Variants in PRKG1 observed in about 807,000 individuals in gnomAD.
PRKG1 encodes the protein cGMP-dependent protein kinase 1.
PRKG1 carries 35 observed loss-of-function variants against 88.1 expected under a neutral mutation model. The observed-to-expected ratio is 0.40, with a 90% confidence interval of 0.30 to 0.53. PRKG1 has a LOEUF of 0.53. PRKG1 is among the 20% of genes least tolerant of loss of function. The pLI, the probability that PRKG1 is intolerant of heterozygous loss-of-function variation, is 0.59. For missense variants in PRKG1, 540 were observed against 839.8 expected (o/e 0.64, Z 4.41); for synonymous variants, 303 against 292.5 (o/e 1.04, Z -0.37).
chr10:51,539,905 A>C (rs1427796882), intron 3 of PRKG1, among the ~76,000 whole-genome samples: 2 of 152,236 alleles, frequency 1.3e-5, no homozygotes, highest in Non-Finnish European at 2.9e-5. Context: ...CATGTAAAAA[A>C]GATTTTTAAA....
intron 3 of PRKG1, among the ~76,000 whole-genome samples, chr10:51,542,168 C>A (rs1842319795): frequency 6.6e-6 from 1 of 151,738 alleles, no homozygotes; most frequent in Non-Finnish European, 1.5e-5. Flanking sequence ...CCCCACTAAG[C>A]CATTATATGA....
intron 2 of PRKG1, among the ~76,000 whole-genome samples, chr10:51,410,957 G>A (rs1838068885): frequency 6.6e-6 from 1 of 151,264 alleles, no homozygotes; most frequent in Non-Finnish European, 1.5e-5. Flanking sequence ...TTTTCTTAGT[G>A]ATTTTCAGCT....
intron 5 of PRKG1, among the ~76,000 whole-genome samples, chr10:52,045,666 G>A (rs1478854785): frequency 6.6e-6 from 1 of 151,998 alleles, no homozygotes; most frequent in Non-Finnish European, 1.5e-5. Flanking sequence ...TGATGGACAG[G>A]CTCTCTATCC....
At chr10:51,077,208 C>T (rs1401303142) in intron 1 of PRKG1, among the ~76,000 whole-genome samples, 1 of 152,178 alleles carries the variant, frequency 6.6e-6, no homozygotes, top group Non-Finnish European at 1.5e-5. Context: ...GTTTGCCTTT[C>T]AATGTATTTC....
chr10:51,271,259 AT>A (rs368680678), intron 2 of PRKG1, among the ~76,000 whole-genome samples: 6,427 of 144,288 alleles, frequency 0.045, 390 homozygotes, highest in African/African-American at 0.14. Flanking sequence ...AAGAAATATG[AT>A]TTTTTTTTTT....
chr10:52,154,969 ATTTC>A (rs1199687865), intron 8 of PRKG1, among the ~76,000 whole-genome samples: 1 of 152,082 alleles, frequency 6.6e-6, no homozygotes, highest in Non-Finnish European at 1.5e-5. Context: ...AAATGTCATT[ATTTC>A]ATTTTTTTAT....
At position 51,087,557 on chromosome 10, in the gene PRKG1, G is replaced by A. The variant is rs1377045891; in HGVS notation, c.311+12656G>A. 5.3e-5 allele frequency among the ~76,000 whole-genome samples: 8 copies of A among 152,254 alleles called. No individual in the cohort carries two copies. The East Asian group carries it at 1.4e-3, about 26-fold the overall frequency. On this transcript the variant is annotated intron_variant, in intron 1 of 17. Coordinates refer to ENST00000373980, the MANE Select transcript of PRKG1 (RefSeq NM_006258.4). ...CACTCTCTATATGCTCTGTTGTTTA[G>A]CTATTTGTTTCATCAACTCATTTTT...
rs61849853 is a variant in PRKG1, at chr10:51,563,299, T to A, written c.592+95463T>A. The stretch of plus-strand genomic sequence containing the variant: ...GCTGCAAATAGCTAGAAGGAGAATA[T>A]TGAACATTTTAAATATACAGAAATG... On this transcript the variant is annotated intron_variant, in intron 3 of 17. Coordinates refer to ENST00000373980, the MANE Select transcript of PRKG1 (RefSeq NM_006258.4). Among the ~76,000 whole-genome samples the A allele has an allele frequency of 5.5e-3, 834 of 152,274 alleles. 4 individuals are homozygous for A. Among genetic ancestry groups the A allele is most frequent in the Non-Finnish European group, 8.6e-3 (583 of 68,016 alleles).
At chr10:51,453,810 G>T (rs1043094253) in intron 2 of PRKG1, among the ~76,000 whole-genome samples, 1 of 151,968 alleles carries the variant, frequency 6.6e-6, no homozygotes, top group Admixed American at 6.6e-5. Flanking sequence ...TTAAACTGTT[G>T]TTGTCCATTG....
intron 8 of PRKG1, among the ~76,000 whole-genome samples, chr10:52,158,313 C>A (rs1413369478): frequency 6.6e-6 from 1 of 151,272 alleles, no homozygotes; most frequent in South Asian, 2.1e-4. Context: ...GAATAACAAT[C>A]AAAAAAAGGC....
chr10:52,018,228 G>A (rs1845093195), intron 5 of PRKG1, among the ~76,000 whole-genome samples: 1 of 152,098 alleles, frequency 6.6e-6, no homozygotes, highest in Admixed American at 6.5e-5. Context: ...ACCTTGATAG[G>A]AATGATTTAA....
intron 9 of PRKG1, among the ~76,000 whole-genome samples, chr10:52,244,400 G>A (rs1379188576): frequency 2.0e-5 from 3 of 151,764 alleles, no homozygotes; most frequent in Non-Finnish European, 4.4e-5. Context: ...ATTAATAAGA[G>A]ATGATTGATG....
At chr10:52,246,946 T>C (rs1028192331) in intron 9 of PRKG1, among the ~76,000 whole-genome samples, 1 of 141,894 alleles carries the variant, frequency 7.0e-6, no homozygotes, top group Non-Finnish European at 1.5e-5. Flanking sequence ...CTAATCACCA[T>C]AGCCCCAGAT....
intron 7 of PRKG1, among the ~76,000 whole-genome samples, chr10:52,087,929 T>A (rs1846956378): frequency 6.6e-6 from 1 of 152,226 alleles, no homozygotes; most frequent in South Asian, 2.1e-4. Flanking sequence ...ATGATATGCA[T>A]GAAAATTTCT....
At chr10:52,111,586 G>A (rs1203213957) in intron 7 of PRKG1, among the ~76,000 whole-genome samples, 3 of 152,146 alleles carry the variant, frequency 2.0e-5, no homozygotes, top group Non-Finnish European at 4.4e-5. Flanking sequence ...GATCTGGATT[G>A]TGTATGTCAG....
At chr10:52,007,469 A>AT (rs1345167167) in intron 5 of PRKG1, among the ~76,000 whole-genome samples, 6 of 152,164 alleles carry the variant, frequency 3.9e-5, no homozygotes, top group Non-Finnish European at 5.9e-5. Context: ...TAAAGCAGAG[A>AT]TTGTAACTGT....
intron 2 of PRKG1, among the ~76,000 whole-genome samples, chr10:51,164,915 C>T (rs1027780873): frequency 4.6e-5 from 7 of 152,138 alleles, no homozygotes; most frequent in African/African-American, 1.2e-4. Flanking sequence ...ACCAAATCTA[C>T]GTCTGATTGG....
At chr10:51,213,941 T>G (rs186585092) in intron 2 of PRKG1, among the ~76,000 whole-genome samples, 3,066 of 152,282 alleles carry the variant, frequency 0.02, 44 homozygotes, top group Middle Eastern at 0.051. Flanking sequence ...AGAATGGCCT[T>G]TTGTTTATAG....
At chr10:51,839,735 A>G (rs549655285) in intron 4 of PRKG1, among the ~76,000 whole-genome samples, 2 of 152,262 alleles carry the variant, frequency 1.3e-5, no homozygotes, top group South Asian at 2.1e-4. Flanking sequence ...ATGCCTTCCT[A>G]TGGAGGTCGT....
Sources: allele counts gnomAD v4.1 joint callset (sites outside exome capture counted in the v4.1 genomes callset), GRCh38; gene constraint gnomAD v4.1.1; transcripts MANE v1.5; gene names NCBI Gene and HGNC (gene_info 2026-07-23, HGNC 2026-07-21).